MYO5A: variants seen among roughly 807,000 people sequenced by gnomAD.
MYO5A encodes unconventional myosin-Va.
MYO5A carries 98 observed loss-of-function variants against 249.7 expected under a neutral mutation model. That is an observed-to-expected ratio of 0.39 (90% confidence interval 0.33 to 0.46). The LOEUF (loss-of-function observed/expected upper bound fraction) is 0.46, where lower values mean the gene tolerates loss of function less well. Ranked by LOEUF, MYO5A falls within the 20% of genes least tolerant of loss-of-function variation. MYO5A has a pLI of 0.98. For synonymous variants in MYO5A, 778 were observed against 810.6 expected (o/e 0.96, Z 0.68); for missense variants, 1,696 against 2,308.8 (o/e 0.73, Z 5.44).
intron 1 of MYO5A, among the ~76,000 whole-genome samples, chr15:52,522,499 A>G (rs746171339): frequency 1.3e-5 from 2 of 152,100 alleles, no homozygotes; most frequent in Non-Finnish European, 2.9e-5. Flanking sequence ...CTCACATAAT[A>G]TTTTGTCTAT....
chr15:52,505,964 A>AAAG, intron 1 of MYO5A: 3 of 1,074,280 alleles, frequency 2.8e-6, no homozygotes, highest in Non-Finnish European at 3.9e-6. Context: ...CTGTAATCCC[A>AAAG]TCACTTTGGG....
intron 1 of MYO5A, among the ~76,000 whole-genome samples, chr15:52,486,898 T>G (rs1321345217): frequency 6.6e-6 from 1 of 152,058 alleles, no homozygotes; most frequent in Non-Finnish European, 1.5e-5. Flanking sequence ...GGCACACGGG[T>G]GAAGGAAACA....
chr15:52,435,459 AG>A (rs1219051102), intron 1 of MYO5A, among the ~76,000 whole-genome samples: 1 of 151,876 alleles, frequency 6.6e-6, no homozygotes, highest in Non-Finnish European at 1.5e-5. Context: ...TTCTATTTTT[AG>A]TAGAGACAGG....
intron 22 of MYO5A, among the ~76,000 whole-genome samples, chr15:52,369,013 A>C (rs16964927): frequency 0.053 from 8,025 of 152,284 alleles, 611 homozygotes; most frequent in African/African-American, 0.17. Context: ...GCACGTCTTA[A>C]TTCTGAGAGA....
Position 52,326,791 on chromosome 15 carries a change from T to C in MYO5A, c.4710+1061A>G, listed in dbSNP as rs185805217. 3.3e-5 allele frequency among the ~76,000 whole-genome samples: 5 copies of C among 152,364 alleles called. No homozygotes were observed. The East Asian group carries it at 9.6e-4, about 29-fold the overall frequency. The stretch of plus-strand genomic sequence containing the variant: ...TGAAAGAGTCCACTGGCATGTTGAC[T>C]ATCCACTTATCTTTACCCTAAAAGC... On this transcript the variant is annotated intron_variant, in intron 36 of 41. Coordinates refer to ENST00000399233, the MANE Select transcript of MYO5A (RefSeq NM_001382347.1).
intron 1 of MYO5A, among the ~76,000 whole-genome samples, chr15:52,448,959 T>TTC (rs2075957418): frequency 2.9e-5 from 2 of 68,376 alleles, no homozygotes; most frequent in African/African-American, 1.1e-4. Context: ...TTGTCTTTCT[T>TTC]TTTTTTTTTT....
rs1440642777 is a variant in MYO5A, at chr15:52,313,503, C to T, written c.*193G>A. 1 of 699,988 alleles carries T rather than the reference C, an allele frequency of 1.4e-6. No individual in the cohort carries two copies. Among genetic ancestry groups the T allele is most frequent in the African/African-American group, 1.8e-5 (1 of 55,982 alleles). The allele number at this position is 699,988 out of a possible 1,614,324, so 43.4% of individuals were successfully genotyped here. ...AGGATGAGTGTTGCTATAAAGATAA[C>T]ACAGCACGAAAGAGCCTATCTTTGT... is the stretch of plus-strand genomic sequence containing the variant. On this transcript the variant is annotated 3_prime_UTR_variant, in exon 42 of 42. Transcript: ENST00000399233.
intron 9 of MYO5A, among the ~76,000 whole-genome samples, chr15:52,399,833 CCT>C (rs2042667645): frequency 2.0e-5 from 3 of 151,960 alleles, no homozygotes; most frequent in African/African-American, 2.4e-5. Flanking sequence ...CTTGTATTCC[CCT>C]GTGTCTATTG....
chr15:52,518,280 AAAAAAAG>A (rs78663300), intron 1 of MYO5A, among the ~76,000 whole-genome samples: 8 of 152,048 alleles, frequency 5.3e-5, no homozygotes, highest in African/African-American at 1.9e-4. Flanking sequence ...AAAAAAAAAA[AAAAAAAG>A]AATTATCCAG....
At chr15:52,351,092 A>G (rs758021608) in intron 28 of MYO5A, among the ~76,000 whole-genome samples, 162 bp downstream of exon 28, 5 of 152,208 alleles carry the variant, frequency 3.3e-5, no homozygotes, top group Non-Finnish European at 7.3e-5. Flanking sequence ...TATACTTACA[A>G]TAGTTTTAAA....
intron 4 of MYO5A, 31 bp downstream of exon 4, chr15:52,425,799 C>T (rs1204467513): frequency 6.2e-7 from 1 of 1,610,296 alleles, no homozygotes; most frequent in Admixed American, 1.7e-5. Flanking sequence ...CTAATAACTG[C>T]CATAAAATAA....
chr15:52,440,416 C>T (rs936941866), intron 1 of MYO5A, among the ~76,000 whole-genome samples: 1 of 152,186 alleles, frequency 6.6e-6, no homozygotes, highest in Admixed American at 6.5e-5. Flanking sequence ...TACAGGCATG[C>T]ACCACAACAC....
chr15:52,505,652 T>A (rs575423734), intron 1 of MYO5A: 2 of 1,276,750 alleles, frequency 1.6e-6, no homozygotes, highest in Admixed American at 3.4e-5. Context: ...GAGACAGATA[T>A]GGCGAAATTA....
At position 52,493,925 on chromosome 15, in the gene MYO5A, C is replaced by T. The variant is rs560306378; in HGVS notation, c.27+34855G>A. 1.2e-4 allele frequency among the ~76,000 whole-genome samples: 19 copies of T among 152,194 alleles called. 1 individual carries two copies. In the South Asian group the frequency reaches 3.1e-3, roughly 25 times the overall value. ...TAAATTATCTGAAACAAAAATATTA[C>T]GAAACCATATTTTAGCTTGTATCAT... is the stretch of plus-strand genomic sequence containing the variant. On this transcript the variant is annotated intron_variant, in intron 1 of 41. Transcript: ENST00000399233.
intron 29 of MYO5A, among the ~76,000 whole-genome samples, chr15:52,347,943 A>G (rs942628076): frequency 6.6e-6 from 1 of 152,244 alleles, no homozygotes; most frequent in Non-Finnish European, 1.5e-5. Context: ...ATAACTTTCA[A>G]AGACCCAAGT....
intron 4 of MYO5A, among the ~76,000 whole-genome samples, chr15:52,419,623 G>A (rs190505486): frequency 9.2e-5 from 14 of 152,216 alleles, no homozygotes; most frequent in African/African-American, 2.2e-4. Flanking sequence ...ACTGTTGAAC[G>A]CTTTAGAGAG....
intron 30 of MYO5A, among the ~76,000 whole-genome samples, chr15:52,343,806 C>A (rs1239531649): frequency 1.3e-5 from 2 of 152,106 alleles, no homozygotes; most frequent in Non-Finnish European, 2.9e-5. Context: ...GGAAAAACTG[C>A]TATATTAGAG....
chr15:52,346,031 T>A (rs1456064615), intron 30 of MYO5A, among the ~76,000 whole-genome samples: 3 of 152,170 alleles, frequency 2.0e-5, no homozygotes, highest in Non-Finnish European at 4.4e-5. Context: ...CCATCCTGAA[T>A]AACAAATGAA....
At chr15:52,319,410 G>A (rs1235885332) in intron 38 of MYO5A, 68 bp from the exon 39 acceptor site, 4 of 1,508,786 alleles carry the variant, frequency 2.7e-6, no homozygotes, top group African/African-American at 2.8e-5. Context: ...ACATATCCAT[G>A]TGCACAAACA....
Sources: allele counts gnomAD v4.1 joint callset (sites outside exome capture counted in the v4.1 genomes callset), GRCh38; gene constraint gnomAD v4.1.1; transcripts MANE v1.5; gene names NCBI Gene and HGNC (gene_info 2026-07-23, HGNC 2026-07-21).